ACSL1: variants seen among roughly 807,000 people sequenced by gnomAD.
The protein encoded by ACSL1 is acyl-CoA synthetase long chain family member 1.
Under a neutral mutation model 98.4 loss-of-function variants are expected in ACSL1, and 41 were observed. The ratio of observed to expected loss-of-function variants is 0.42; its 90% CI spans 0.32 to 0.54. The LOEUF (loss-of-function observed/expected upper bound fraction) is 0.54. ACSL1 is among the 20% of genes least tolerant of loss of function. ACSL1 has a pLI of 0.13. For synonymous variants in ACSL1, 316 were observed against 322.7 expected, an observed-to-expected ratio of 0.98 and a Z score of 0.22; for missense variants, 734 against 883.1, an observed-to-expected ratio of 0.83 and a Z score of 2.14.
At chr4:184,758,053 A>C in intron 18 of ACSL1, 133 bp from the exon 19 acceptor site, 1 of 790,682 alleles carries the variant, frequency 1.3e-6, no homozygotes, top group Non-Finnish European at 2.0e-6. Context: ...AGAACATACT[A>C]CCCCCCTCCC....
At chr4:184,823,074 G>T (rs1579976818) in intron 1 of ACSL1, among the ~76,000 whole-genome samples, 2 of 152,236 alleles carry the variant, frequency 1.3e-5, no homozygotes, top group Admixed American at 1.3e-4. Flanking sequence ...GATCAGCTCT[G>T]GCCACTGAGA....
Position 184,808,733 on chromosome 4 carries a change from C to A in ACSL1, c.-32-5187G>T, listed in dbSNP as rs59527670. 802 of 154,000 alleles carry A rather than the reference C, an allele frequency of 5.2e-3. 8 individuals are homozygous for A. Among genetic ancestry groups the A allele is most frequent in the African/African-American group, 0.018 (754 of 41,594 alleles). 9.5% of individuals were successfully genotyped at this position (154,000 alleles called of 1,614,324 possible). A position where few individuals can be genotyped will look rare whatever the true frequency, so the allele number is the denominator to read the frequency against. On this transcript the variant is annotated intron_variant, in intron 1 of 20. Transcript: ENST00000281455. ...CTCCTTAACCCTGGCTTGGCAAATT[C>A]CCTAAAGTTAGATTTGCTTAAGCCA...
intron 17 of ACSL1, 55 bp downstream of exon 17, chr4:184,762,352 T>A (rs1444837751): frequency 8.2e-6 from 12 of 1,461,882 alleles, no homozygotes; most frequent in Non-Finnish European, 1.2e-5. Context: ...GATAAGACAT[T>A]TTCTTCCCCA....
In ACSL1 at chr4:184,757,942, T is replaced by G. The variant is rs766034734; in HGVS notation, c.1783-22A>C. 2.5e-6 allele frequency: 4 copies of G among 1,600,422 alleles called. No homozygotes were observed. Among genetic ancestry groups the G allele is most frequent in the Non-Finnish European group, 3.4e-6 (4 of 1,167,932 alleles). Reference sequence around the variant, plus strand: ...ATGCCTTTAACACAGACAAATGAGTTATTACATAGCTTGATCCAAATGCTC... The same window carrying G: ...ATGCCTTTAACACAGACAAATGAGTGATTACATAGCTTGATCCAAATGCTC... On this transcript the variant is annotated intron_variant, in intron 18 of 20. Transcript: ENST00000281455. The surrounding 1 kb of genome is among the most constrained non-coding windows in gnomAD (Gnocchi z 4.5).
chr4:184,802,810 C>T (rs1435125547), intron 2 of ACSL1, among the ~76,000 whole-genome samples: 1 of 152,196 alleles, frequency 6.6e-6, no homozygotes, highest in African/African-American at 2.4e-5. Flanking sequence ...TCATGTCCTG[C>T]CCCGAATTCT....
chr4:184,782,689 GA>G (rs1766511014), intron 4 of ACSL1, among the ~76,000 whole-genome samples: 1 of 152,216 alleles, frequency 6.6e-6, no homozygotes, highest in Non-Finnish European at 1.5e-5. Flanking sequence ...ATAAAAATGG[GA>G]AATCCTTCCA....
Position 184,757,138 on chromosome 4 carries a change from G to C in ACSL1, c.2084C>G (p.Thr695Ser), listed in dbSNP as rs535782938. ...FRSQIDDLYS[T>S]IKV ...TTCTTCTTCACACTAAACCTTGATA[G>C]TGGAATAGAGGTCATCTATCTGCGA... The change falls in exon 21 of 21, where the codon ACT (threonine) becomes AGT (serine). Residue 695 changes from threonine to serine, a missense_variant. Thr to Ser is a moderately conservative substitution (Grantham distance 58, BLOSUM62 1). Coordinates refer to ENST00000281455, the MANE Select transcript of ACSL1 (RefSeq NM_001995.5). This position sits in a 1 kb window ranked among gnomAD's most constrained non-coding sequence, Gnocchi z 4.5. The C allele has an allele frequency of 8.8e-6, 14 of 1,591,440 alleles. No homozygotes were observed. Among genetic ancestry groups the C allele is most frequent in the Non-Finnish European group, 1.2e-5 (14 of 1,161,786 alleles).
Position 184,766,730 on chromosome 4 carries a change from C to T in ACSL1, c.1155G>A (p.Leu385=). ...AGGCAAAGTCCAAGAGCCATCGCTTCAGCGTGGTGTTTGCTTGTCCGAAAA... is the reference window on the plus strand; with the variant it reads ...AGGCAAAGTCCAAGAGCCATCGCTTTAGCGTGGTGTTTGCTTGTCCGAAAA... ...DRIFGQANTT[L]KRWLLDFASK... The change falls in exon 13 of 21, where the codon CTG becomes CTA. Residue 385 remains leucine, a synonymous_variant. Coordinates refer to ENST00000281455, the MANE Select transcript of ACSL1 (RefSeq NM_001995.5). The surrounding 1 kb of genome is among the most constrained non-coding windows in gnomAD (Gnocchi z 4.8). 1.2e-6 allele frequency: 2 copies of T among 1,613,542 alleles called. No individual in the cohort carries two copies. Among genetic ancestry groups the T allele is most frequent in the Non-Finnish European group, 1.7e-6 (2 of 1,179,526 alleles).
At position 184,803,265 on chromosome 4, in the gene ACSL1, C is replaced by T. The variant is rs1261193965; in HGVS notation, c.195+55G>A. 2 of 1,422,396 alleles carry T rather than the reference C, an allele frequency of 1.4e-6. No individual in the cohort carries two copies. Among genetic ancestry groups the T allele is most frequent in the Non-Finnish European group, 1.9e-6 (2 of 1,063,212 alleles). The allele number at this position is 1,422,396 out of a possible 1,614,324, so 88.1% of individuals were successfully genotyped here. ...GGCTATCACATTCAACAGGGCTCAG[C>T]TCATCTGGGGAAATGCGGAGAAAAC... On this transcript the variant is annotated intron_variant, in intron 2 of 20. Transcript: ENST00000281455. This position sits in a 1 kb window ranked among gnomAD's most constrained non-coding sequence, Gnocchi z 4.8.
intron 1 of ACSL1, chr4:184,808,616 G>T: frequency 2.0e-6 from 1 of 503,996 alleles, no homozygotes; most frequent in South Asian, 8.5e-5. Context: ...CACTAGCTGG[G>T]CAGAGCTCAG....
At chr4:184,778,529 A>G (rs1484950550) in intron 5 of ACSL1, among the ~76,000 whole-genome samples, 1 of 152,114 alleles carries the variant, frequency 6.6e-6, no homozygotes, top group Non-Finnish European at 1.5e-5. Context: ...GATTCTACTC[A>G]GGTGCCACCT....
chr4:184,825,106 G>A lies in ACSL1; in HGVS notation c.-33+810C>T. On this transcript the variant is annotated intron_variant, in intron 1 of 20. Transcript: ENST00000281455. This position sits in a 1 kb window ranked among gnomAD's most constrained non-coding sequence, Gnocchi z 4.7. ...TTTTAGAATGGTCACTCTTAATTAT[G>A]CTCCATAACCTTGAAATTGGACTGA... 2.2e-6 allele frequency: 2 copies of A among 897,366 alleles called. No individual in the cohort carries two copies. The highest frequency in any genetic ancestry group is 2.7e-6 in the Non-Finnish European group (2 of 749,672). 55.6% of individuals were successfully genotyped at this position (897,366 alleles called of 1,614,324 possible).
chr4:184,785,428 C>T (rs1478201311), intron 3 of ACSL1, among the ~76,000 whole-genome samples: 1 of 152,102 alleles, frequency 6.6e-6, no homozygotes, highest in East Asian at 1.9e-4. Context: ...TTATAAATGG[C>T]TTCCTTGGTG....
chr4:184,816,098 A>G (rs1165315952), intron 1 of ACSL1, among the ~76,000 whole-genome samples: 1 of 151,892 alleles, frequency 6.6e-6, no homozygotes, highest in Non-Finnish European at 1.5e-5. Flanking sequence ...TCCAGCCTGG[A>G]CAACAGAGAC....
chr4:184,815,698 G>A (rs368605347), intron 1 of ACSL1, among the ~76,000 whole-genome samples: 3 of 152,134 alleles, frequency 2.0e-5, no homozygotes, highest in Admixed American at 6.6e-5. Flanking sequence ...AGCAGGACAC[G>A]GGTGAGAAGA....
intron 1 of ACSL1, among the ~76,000 whole-genome samples, chr4:184,813,044 A>G (rs770540999): frequency 9.2e-5 from 14 of 152,208 alleles, no homozygotes; most frequent in Non-Finnish European, 1.9e-4. Context: ...AAAACAAAAC[A>G]AAACAAAACA....
At chr4:184,776,402 C>T (rs953185421) in intron 7 of ACSL1, 82 bp downstream of exon 7, 2 of 1,475,990 alleles carry the variant, frequency 1.4e-6, no homozygotes, top group Admixed American at 4.4e-5. Context: ...CACCATAGCA[C>T]TAGATAGCAC....
chr4:184,773,631 A>C lies in ACSL1; in HGVS notation c.841+32T>G, dbSNP rs773154972. On this transcript the variant is annotated intron_variant, in intron 9 of 20. Coordinates refer to ENST00000281455, the MANE Select transcript of ACSL1 (RefSeq NM_001995.5). The surrounding 1 kb of genome is among the most constrained non-coding windows in gnomAD (Gnocchi z 4.3). The stretch of plus-strand genomic sequence containing the variant: ...GGGAGAGTCCAGACCAATGGCTGCC[A>C]TATGTAGAAGCAATTCTATCTCAAA... 1 of 1,597,302 alleles carries C rather than the reference A, an allele frequency of 6.3e-7. No homozygotes were observed.
intron 18 of ACSL1, chr4:184,758,446 T>G (rs933800514): frequency 6.5e-5 from 10 of 154,692 alleles, no homozygotes; most frequent in African/African-American, 2.4e-4. Flanking sequence ...TCCCAGCTAC[T>G]CAGGAGGCTG....
Sources: gnomAD v4.1 joint callset for allele counts (sites outside exome capture counted in the v4.1 genomes callset) on GRCh38, gnomAD v4.1.1 for gene constraint, Gnocchi (gnomAD v3.1) non-coding constraint, MANE v1.5 for transcripts, NCBI Gene and HGNC (gene_info 2026-07-23, HGNC 2026-07-21) for gene names.